The following PCCB variants were observed in gnomAD, a reference collection of about 807,000 sequenced individuals.
PCCB encodes the protein propionyl-CoA carboxylase beta chain, mitochondrial.
A neutral mutation model predicts 60.7 loss-of-function variants in PCCB; 43 were observed. The ratio of observed to expected loss-of-function variants is 0.71; its 90% CI spans 0.55 to 0.91. The LOEUF (loss-of-function observed/expected upper bound fraction) is 0.91, where lower values mean the gene tolerates loss of function less well. Ranked by LOEUF, PCCB falls within the 40% of genes least tolerant of loss-of-function variation. PCCB has a pLI of 0.00. For missense variants in PCCB, 766 were observed against 702.8 expected, an observed-to-expected ratio of 1.09 and a Z score of -1.02; for synonymous variants, 276 against 255.9, an observed-to-expected ratio of 1.08 and a Z score of -0.75.
intron 5 of PCCB, among the ~76,000 whole-genome samples, chr3:136,276,157 C>G (rs769735760): frequency 6.6e-6 from 1 of 152,190 alleles, no homozygotes; most frequent in Non-Finnish European, 1.5e-5. Flanking sequence ...AAGCTCATCT[C>G]ATTCCCCTGT....
At chr3:136,309,387 A>G (rs1934573070) in intron 9 of PCCB, among the ~76,000 whole-genome samples, 1 of 152,252 alleles carries the variant, frequency 6.6e-6, no homozygotes, top group Admixed American at 6.5e-5. Flanking sequence ...GCAGAAATTT[A>G]TGATGGAAAT....
At chr3:136,294,031 T>C (rs186012209) in intron 7 of PCCB, among the ~76,000 whole-genome samples, 167 bp downstream of exon 7, 75 of 152,322 alleles carry the variant, frequency 4.9e-4, no homozygotes, top group Non-Finnish European at 8.8e-4. Flanking sequence ...TTTACAGATA[T>C]AGTGATAAAG....
chr3:136,310,856 C>T (rs1026641210), intron 9 of PCCB, among the ~76,000 whole-genome samples: 13 of 152,006 alleles, frequency 8.6e-5, no homozygotes, highest in African/African-American at 2.2e-4. Flanking sequence ...TTTATATAGA[C>T]GCTGAAGAAA....
intron 6 of PCCB, among the ~76,000 whole-genome samples, chr3:136,288,589 A>G (rs775194923): frequency 7.3e-5 from 11 of 151,430 alleles, no homozygotes; most frequent in Non-Finnish European, 1.3e-4. Flanking sequence ...GGCTCAAGCA[A>G]TCGTCCTCCC....
At chr3:136,304,854 G>A (rs1281486810) in intron 9 of PCCB, among the ~76,000 whole-genome samples, 2 of 113,518 alleles carry the variant, frequency 1.8e-5, no homozygotes, top group African/African-American at 5.3e-5. Context: ...ACCACGCTTG[G>A]CTAATTTTTG....
intron 10 of PCCB, among the ~76,000 whole-genome samples, chr3:136,321,540 A>G (rs1039944876): frequency 1.3e-5 from 2 of 152,198 alleles, no homozygotes; most frequent in African/African-American, 4.8e-5. Flanking sequence ...GGCAGGGGAA[A>G]TGCCAGATGT....
intron 5 of PCCB, among the ~76,000 whole-genome samples, chr3:136,269,887 A>G (rs1288523862): frequency 7.6e-6 from 1 of 132,400 alleles, no homozygotes; most frequent in Non-Finnish European, 1.7e-5. Flanking sequence ...CTCTGTCTCA[A>G]AAAAAAAAAA....
chr3:136,318,877 G>C (rs1321975010), intron 10 of PCCB, among the ~76,000 whole-genome samples: 2 of 152,150 alleles, frequency 1.3e-5, no homozygotes, highest in African/African-American at 4.8e-5. Flanking sequence ...AATAAACATT[G>C]ATATATAAGT....
At chr3:136,278,273 ATC>A (rs1401542874) in intron 5 of PCCB, among the ~76,000 whole-genome samples, 4 of 152,054 alleles carry the variant, frequency 2.6e-5, no homozygotes, top group African/African-American at 9.7e-5. Flanking sequence ...GCTTCTCTCT[ATC>A]TCACACTCTG....
intron 5 of PCCB, among the ~76,000 whole-genome samples, chr3:136,282,527 T>G (rs1560009895): frequency 6.6e-6 from 1 of 152,226 alleles, no homozygotes; most frequent in Non-Finnish European, 1.5e-5. Flanking sequence ...ACAGTCTGCT[T>G]CAAATTAATA....
At chr3:136,263,732 C>G (rs1259176549) in intron 5 of PCCB, among the ~76,000 whole-genome samples, 2 of 152,062 alleles carry the variant, frequency 1.3e-5, no homozygotes, top group Non-Finnish European at 2.9e-5. Context: ...AAACTTCAGC[C>G]TGGGCACGGT....
chr3:136,274,757 A>C (rs684195), intron 5 of PCCB, among the ~76,000 whole-genome samples: 56,233 of 151,860 alleles, frequency 0.37, 12,852 homozygotes, highest in East Asian at 0.81. Context: ...AGGACCACCA[A>C]GTATTTTTAG....
At chr3:136,314,245 T>C (rs1319525259) in intron 9 of PCCB, among the ~76,000 whole-genome samples, 1 of 152,108 alleles carries the variant, frequency 6.6e-6, no homozygotes, top group East Asian at 1.9e-4. Context: ...AAACATAAAA[T>C]GATGGTGAAA....
At chr3:136,254,889 T>C (rs1159457723) in intron 1 of PCCB, among the ~76,000 whole-genome samples, 1 of 151,420 alleles carries the variant, frequency 6.6e-6, no homozygotes. Context: ...TTTTTTTTTT[T>C]TTTGGGACGG....
At chr3:136,257,072 C>G (rs1270131313) in intron 3 of PCCB, among the ~76,000 whole-genome samples, 1 of 152,146 alleles carries the variant, frequency 6.6e-6, no homozygotes, top group African/African-American at 2.4e-5. Flanking sequence ...TGCATCAAGA[C>G]AGATACAGTT....
intron 8 of PCCB, among the ~76,000 whole-genome samples, chr3:136,300,743 A>G (rs576353782): frequency 5.3e-5 from 8 of 152,330 alleles, no homozygotes; most frequent in Admixed American, 3.3e-4. Flanking sequence ...CCTAGAATGT[A>G]GGAGGTATTC....
chr3:136,296,025 C>T (rs756735720), intron 7 of PCCB, among the ~76,000 whole-genome samples: 2 of 152,102 alleles, frequency 1.3e-5, no homozygotes, highest in African/African-American at 2.4e-5. Context: ...ATCCCCAGGG[C>T]AAGGCACAAA....
intron 8 of PCCB, among the ~76,000 whole-genome samples, chr3:136,300,174 ATG>A (rs1560019864): frequency 6.0e-4 from 91 of 152,016 alleles, no homozygotes; most frequent in Middle Eastern, 3.4e-3. Flanking sequence ...ACATATGTAT[ATG>A]TGTATATATG....
intron 9 of PCCB, among the ~76,000 whole-genome samples, chr3:136,301,779 C>T (rs1435898926): frequency 6.6e-6 from 1 of 152,026 alleles, no homozygotes; most frequent in Non-Finnish European, 1.5e-5. Context: ...TTGTTTTTGT[C>T]TTTTTTATTC....
Sources: allele counts gnomAD v4.1 joint callset (sites outside exome capture counted in the v4.1 genomes callset), GRCh38; gene constraint gnomAD v4.1.1; transcripts MANE v1.5; gene names NCBI Gene and HGNC (gene_info 2026-07-23, HGNC 2026-07-21).